HGF: variants seen among roughly 807,000 people sequenced by gnomAD.
The protein encoded by HGF is hepatocyte growth factor.
Under a neutral mutation model 111.6 loss-of-function variants are expected in HGF, and 39 were observed. The ratio of observed to expected loss-of-function variants is 0.35; its 90% CI spans 0.27 to 0.46. The LOEUF (loss-of-function observed/expected upper bound fraction) is 0.46, where lower values mean the gene tolerates loss of function less well. Ranked by LOEUF, HGF falls within the 20% of genes least tolerant of loss-of-function variation. HGF has a pLI of 1.00. For missense variants in HGF, 735 were observed against 910.5 expected (o/e 0.81, Z 2.48); for synonymous variants, 285 against 294.8 (o/e 0.97, Z 0.34).
intron 5 of HGF, chr7:81,751,195 T>C (rs1788481941): frequency 2.2e-6 from 2 of 911,282 alleles, no homozygotes; most frequent in Admixed American, 1.2e-4. Context: ...AGGTAAGATA[T>C]CTTAGTATAA....
chr7:81,731,863 G>C (rs911689021), intron 7 of HGF, among the ~76,000 whole-genome samples: 1 of 151,964 alleles, frequency 6.6e-6, no homozygotes, highest in Admixed American at 6.6e-5. Flanking sequence ...GAAAATTTGG[G>C]GGCACAAGCT....
At chr7:81,753,921 G>A (rs926840670) in intron 4 of HGF, among the ~76,000 whole-genome samples, 1 of 151,768 alleles carries the variant, frequency 6.6e-6, no homozygotes, top group African/African-American at 2.4e-5. Flanking sequence ...CTTACTTTTA[G>A]CTCCATCATT....
intron 7 of HGF, among the ~76,000 whole-genome samples, chr7:81,739,683 G>C (rs1256472946): frequency 3.3e-5 from 5 of 151,958 alleles, no homozygotes; most frequent in African/African-American, 1.2e-4. Context: ...TCTCAAGAAG[G>C]GACCTTTGGG....
intron 5 of HGF, among the ~76,000 whole-genome samples, chr7:81,750,598 T>C (rs533280535): frequency 2.0e-5 from 3 of 152,344 alleles, no homozygotes; most frequent in East Asian, 3.9e-4. Flanking sequence ...AGTCCAGTCC[T>C]ATGTTAAGTA....
intron 5 of HGF, among the ~76,000 whole-genome samples, chr7:81,750,030 A>T (rs564054071): frequency 6.6e-6 from 1 of 152,136 alleles, no homozygotes; most frequent in African/African-American, 2.4e-5. Flanking sequence ...ATTTGTATCC[A>T]TGGATAGAAA....
chr7:81,744,759 C>CT (rs1788160041), intron 6 of HGF, among the ~76,000 whole-genome samples: 1 of 152,138 alleles, frequency 6.6e-6, no homozygotes, highest in South Asian at 2.1e-4. Flanking sequence ...GACCAGTTGG[C>CT]TATGTAGTCA....
chr7:81,766,497 C>T (rs1467979572), intron 1 of HGF, among the ~76,000 whole-genome samples: 4 of 152,064 alleles, frequency 2.6e-5, no homozygotes, highest in Admixed American at 6.5e-5. Flanking sequence ...TTTTGCAAAT[C>T]GGCAGTCATC....
intron 7 of HGF, among the ~76,000 whole-genome samples, chr7:81,740,235 T>C (rs1765074065): frequency 6.6e-6 from 1 of 152,252 alleles, no homozygotes; most frequent in South Asian, 2.1e-4. Flanking sequence ...ATAATCATTA[T>C]CTTTATTCTT....
chr7:81,760,038 G>A (rs554777436), intron 2 of HGF, among the ~76,000 whole-genome samples: 4 of 152,086 alleles, frequency 2.6e-5, no homozygotes, highest in Admixed American at 2.0e-4. Flanking sequence ...TCTTTCTCTC[G>A]TTCCAATACA....
rs73381168 is a variant in HGF at position 81,742,026 on chromosome 7, A to G, written c.865+1327T>C. 7.3e-3 allele frequency among the ~76,000 whole-genome samples: 1,108 copies of G among 152,050 alleles called. 16 individuals are homozygous for G. Among genetic ancestry groups the G allele is most frequent in the African/African-American group, 0.025 (1,033 of 41,480 alleles). ...AGAAGGGAAACAGTTGGTTTATTAT[A>G]CCTAACTGGTGTAGAACAATGGAAA... On this transcript the variant is annotated intron_variant, in intron 7 of 17. Coordinates refer to ENST00000222390, the MANE Select transcript of HGF (RefSeq NM_000601.6).
intron 17 of HGF, among the ~76,000 whole-genome samples, 191 bp downstream of exon 17, chr7:81,705,199 T>C (rs1360129117): frequency 6.6e-6 from 1 of 151,914 alleles, no homozygotes; most frequent in Non-Finnish European, 1.5e-5. Context: ...TTGCTGCTAA[T>C]AAAACATTGA....
chr7:81,743,167 T>G (rs115108510), intron 7 of HGF, among the ~76,000 whole-genome samples, 186 bp downstream of exon 7: 5 of 152,186 alleles, frequency 3.3e-5, no homozygotes, highest in Non-Finnish European at 5.9e-5. Flanking sequence ...TTTATCACAG[T>G]CAAAATAATC....
Position 81,762,695 on chromosome 7 carries a change from G to A in HGF, c.254+12C>T. ...TGGAAAATTATTCTAAGAAGAAAAT[G>A]AAGTAACTTACTTGCAAGTGAATGG... On this transcript the variant is annotated intron_variant, in intron 2 of 17. Coordinates refer to ENST00000222390, the MANE Select transcript of HGF (RefSeq NM_000601.6). 2 of 1,587,364 alleles carry A rather than the reference G, an allele frequency of 1.3e-6. No individual in the cohort carries two copies. Among genetic ancestry groups the A allele is most frequent in the Non-Finnish European group, 1.7e-6 (2 of 1,155,874 alleles).
chr7:81,710,021 T>C, intron 13 of HGF, 126 bp downstream of exon 13: 1 of 715,484 alleles, frequency 1.4e-6, no homozygotes, highest in Middle Eastern at 2.4e-4. Flanking sequence ...GCTTCCTCTT[T>C]TACTGCCTCA....
intron 14 of HGF, 41 bp from the exon 15 acceptor site, chr7:81,706,468 T>TAC: frequency 6.7e-7 from 1 of 1,498,912 alleles, no homozygotes; most frequent in Non-Finnish European, 9.3e-7. Context: ...AACATAATAA[T>TAC]TCCAAATTCT....
intron 14 of HGF, 91 bp downstream of exon 14, chr7:81,707,199 A>G: frequency 1.3e-6 from 1 of 760,574 alleles, no homozygotes. Context: ...GAATCTCTGT[A>G]AAATGAATAC....
Position 81,702,569 on chromosome 7 carries a change from C to T in HGF, c.*12G>A, listed in dbSNP as rs925862874. ...GTTGTATTGGTGGGTGCTTCAGACA[C>T]ACTTACTTCAGCTATGACTGTGGTA... On this transcript the variant is annotated 3_prime_UTR_variant, in exon 18 of 18. Transcript: ENST00000222390. 5 of 1,604,102 alleles carry T rather than the reference C, an allele frequency of 3.1e-6. No homozygotes were observed. Among genetic ancestry groups the T allele is most frequent in the Non-Finnish European group, 3.4e-6 (4 of 1,171,738 alleles).
At chr7:81,734,327 G>T (rs1787756977) in intron 7 of HGF, among the ~76,000 whole-genome samples, 1 of 152,114 alleles carries the variant, frequency 6.6e-6, no homozygotes, top group African/African-American at 2.4e-5. Context: ...ATGAGTAAAG[G>T]AATGCTTTCT....
At chr7:81,757,436 A>G in intron 3 of HGF, 133 bp from the exon 4 acceptor site, 1 of 654,444 alleles carries the variant, frequency 1.5e-6, no homozygotes, top group Non-Finnish European at 2.7e-6. Context: ...TTTCTTGCCT[A>G]AAGCTTCTAC....
Sources: gnomAD v4.1 joint callset for allele counts (sites outside exome capture counted in the v4.1 genomes callset) on GRCh38, gnomAD v4.1.1 for gene constraint, MANE v1.5 for transcripts, NCBI Gene and HGNC (gene_info 2026-07-23, HGNC 2026-07-21) for gene names.